The following PKIB variants were observed in gnomAD, a reference collection of about 807,000 sequenced individuals.
PKIB encodes PKI-beta.
PKIB carries 2 observed loss-of-function variants against 4.5 expected under a neutral mutation model. The observed-to-expected ratio is 0.44, with a 90% CI of 0.18 to 1.39. The LOEUF (loss-of-function observed/expected upper bound fraction) is 1.39. Among genes scored for constraint, PKIB ranks in the 40% most tolerant of loss-of-function variants. The pLI is 0.27. For missense variants in PKIB, 94 were observed against 92.6 expected (o/e 1.02, Z -0.06); for synonymous variants, 38 against 36.0 (o/e 1.06, Z -0.20).
At chr6:122,566,092 T>C (rs1260611897) in intron 2 of PKIB, among the ~76,000 whole-genome samples, 2 of 152,118 alleles carry the variant, frequency 1.3e-5, no homozygotes, top group Non-Finnish European at 2.9e-5. Context: ...TTGATTTGCC[T>C]AACTTGGGTC....
At chr6:122,618,393 A>G (rs1775079209) in intron 1 of PKIB, among the ~76,000 whole-genome samples, 2 of 152,208 alleles carry the variant, frequency 1.3e-5, no homozygotes, top group Non-Finnish European at 2.9e-5. Context: ...GAATTATTCC[A>G]CATGTTACTT....
chr6:122,556,523 C>T (rs1322559558), intron 2 of PKIB, among the ~76,000 whole-genome samples: 1 of 152,088 alleles, frequency 6.6e-6, no homozygotes, highest in Admixed American at 6.6e-5. Context: ...TTGAGTAGGA[C>T]CAGAACAAAA....
At chr6:122,493,278 G>A (rs1048953651) in intron 2 of PKIB, 3 of 152,208 alleles carry the variant, frequency 2.0e-5, no homozygotes, top group Non-Finnish European at 4.4e-5. Context: ...TGGCTCCAGA[G>A]AGCTCCTTCG....
intron 2 of PKIB, among the ~76,000 whole-genome samples, chr6:122,490,356 A>G (rs1353929276): frequency 6.6e-6 from 1 of 152,180 alleles, no homozygotes; most frequent in Non-Finnish European, 1.5e-5. Context: ...TACCAAAGAG[A>G]TCAATACAAC....
At chr6:122,514,369 C>G (rs1238388100) in intron 2 of PKIB, among the ~76,000 whole-genome samples, 4 of 152,154 alleles carry the variant, frequency 2.6e-5, no homozygotes, top group African/African-American at 9.7e-5. Flanking sequence ...GGCATTTTAG[C>G]AAACTCAAAT....
chr6:122,648,938 A>G (rs1011582399), intron 2 of PKIB, among the ~76,000 whole-genome samples: 27 of 152,196 alleles, frequency 1.8e-4, no homozygotes, highest in African/African-American at 6.5e-4. Flanking sequence ...GAGCCCACGC[A>G]TAACCTTCAT....
chr6:122,503,780 C>T (rs1163765434), intron 2 of PKIB, among the ~76,000 whole-genome samples: 1 of 152,172 alleles, frequency 6.6e-6, no homozygotes, highest in Admixed American at 6.5e-5. Context: ...TTTAACACCT[C>T]ACCCCCCAGG....
At chr6:122,487,436 T>C (rs1775800792) in intron 2 of PKIB, among the ~76,000 whole-genome samples, 2 of 152,326 alleles carry the variant, frequency 1.3e-5, no homozygotes, top group East Asian at 3.9e-4. Flanking sequence ...CATTGAAACC[T>C]AATCACCAGT....
intron 1 of PKIB, among the ~76,000 whole-genome samples, chr6:122,631,285 G>T (rs570584884): frequency 2.4e-4 from 37 of 152,300 alleles, no homozygotes; most frequent in Non-Finnish European, 2.1e-4. Context: ...TAAATGGCAG[G>T]TTCAGCCAAT....
At chr6:122,665,161 C>G (rs528389963) in intron 2 of PKIB, among the ~76,000 whole-genome samples, 1 of 151,584 alleles carries the variant, frequency 6.6e-6, no homozygotes, top group South Asian at 2.1e-4. Context: ...ACAGCAATGA[C>G]AAAAAAAATA....
chr6:122,497,505 G>A (rs1776107950), intron 2 of PKIB, among the ~76,000 whole-genome samples: 1 of 152,106 alleles, frequency 6.6e-6, no homozygotes. Context: ...GACACCCATA[G>A]TCTCAAAGGG....
chr6:122,672,733 A>G (rs1444874911), intron 2 of PKIB, among the ~76,000 whole-genome samples: 2 of 151,690 alleles, frequency 1.3e-5, no homozygotes, highest in Non-Finnish European at 2.9e-5. Context: ...TATAATAATA[A>G]TATAGCAAAT....
intron 1 of PKIB, among the ~76,000 whole-genome samples, chr6:122,477,312 T>C (rs1274157289): frequency 1.3e-5 from 2 of 152,138 alleles, no homozygotes; most frequent in Non-Finnish European, 2.9e-5. Context: ...AAGGAAGCAA[T>C]CATATTTTTC....
chr6:122,704,614 G>A (rs914075144), intron 3 of PKIB, among the ~76,000 whole-genome samples: 1 of 151,964 alleles, frequency 6.6e-6, no homozygotes, highest in Non-Finnish European at 1.5e-5. Flanking sequence ...GAAATATAAC[G>A]GTATGATGGA....
intron 3 of PKIB, among the ~76,000 whole-genome samples, chr6:122,685,651 A>G (rs970375049): frequency 6.6e-6 from 1 of 152,146 alleles, no homozygotes; most frequent in African/African-American, 2.4e-5. Context: ...CCTTTGTGTT[A>G]AAAACAATCT....
At chr6:122,567,965 CTA>C (rs1773242535) in intron 2 of PKIB, among the ~76,000 whole-genome samples, 1 of 152,096 alleles carries the variant, frequency 6.6e-6, no homozygotes, top group Non-Finnish European at 1.5e-5. Context: ...CTATATCACT[CTA>C]TGTCCTTTTT....
intron 2 of PKIB, among the ~76,000 whole-genome samples, chr6:122,546,921 G>A (rs1214265386): frequency 2.0e-5 from 3 of 152,032 alleles, no homozygotes; most frequent in Non-Finnish European, 2.9e-5. Flanking sequence ...GTAATATATA[G>A]TAGAAAGTAG....
At chr6:122,647,823 C>T (rs1016010841) in intron 2 of PKIB, among the ~76,000 whole-genome samples, 4 of 152,206 alleles carry the variant, frequency 2.6e-5, no homozygotes, top group Admixed American at 2.6e-4. Context: ...TTCCATTACC[C>T]ATTTCATAAT....
At chr6:122,526,840 T>A (rs1390933595) in intron 2 of PKIB, among the ~76,000 whole-genome samples, 1 of 152,070 alleles carries the variant, frequency 6.6e-6, no homozygotes, top group African/African-American at 2.4e-5. Flanking sequence ...AATTAGAGAG[T>A]CATCCTCATT....
Sources: gnomAD v4.1 joint callset for allele counts (sites outside exome capture counted in the v4.1 genomes callset) on GRCh38, gnomAD v4.1.1 for gene constraint, MANE v1.5 for transcripts, NCBI Gene and HGNC (gene_info 2026-07-23, HGNC 2026-07-21) for gene names.